The following FBXL2 variants were observed in gnomAD, a reference collection of about 807,000 sequenced individuals.
FBXL2 encodes the protein F-box/LRR-repeat protein 2.
Under a neutral mutation model 69.2 loss-of-function variants are expected in FBXL2, and 38 were observed. That is an observed-to-expected ratio of 0.55 (90% CI 0.42 to 0.72). The LOEUF (loss-of-function observed/expected upper bound fraction) is 0.72. Ranked by LOEUF, FBXL2 falls within the 30% of genes least tolerant of loss-of-function variation. The probability of loss-of-function intolerance (pLI) is 0.00; values close to 1 mark genes in which losing one functional copy is unlikely to be tolerated. For missense variants in FBXL2, 354 were observed against 520.3 expected (o/e 0.68, Z 3.11); for synonymous variants, 192 against 201.3 (o/e 0.95, Z 0.39).
At position 33,401,574 on chromosome 3, in the gene FBXL2, CAGGGAAT is replaced by C. The variant is rs1212420305; in HGVS notation, n.1215-1655_1215-1649del. Among the ~76,000 whole-genome samples the C allele has an allele frequency of 2.6e-5, 4 of 152,328 alleles. No homozygotes were observed. The East Asian group carries it at 7.7e-4, about 29-fold the overall frequency. The stretch of plus-strand genomic sequence containing the variant: ...TAAAATGAAATGAAAAACAGCTCCA[CAGGGAAT>C]AGGGCTACCTTCTGGCTCTTGAGCA... On this transcript the variant is annotated intron_variant and non_coding_transcript_variant, in intron 12 of 12. Coordinates refer to the FBXL2 transcript ENST00000463736.
Position 33,387,164 on chromosome 3 carries a change from G to GTTAGT in FBXL2, c.*1558_*1562dup, listed in dbSNP as rs547456571. On this transcript the variant is annotated 3_prime_UTR_variant, in exon 15 of 15. Transcript: ENST00000484457. ...TAAAAATTGTGTGGATACCATAGCA[G>GTTAGT]TTAGTTAAATATACATTTATACCCA... 3.9e-4 allele frequency: 60 copies of GTTAGT among 152,266 alleles called. No homozygotes were observed. Among genetic ancestry groups the GTTAGT allele is most frequent in the Non-Finnish European group, 7.3e-4 (50 of 68,028 alleles). 9.4% of individuals were successfully genotyped at this position (152,266 alleles called of 1,614,324 possible). A position where few individuals can be genotyped will look rare whatever the true frequency, so the allele number is the denominator to read the frequency against.
At chr3:33,355,581 T>C (rs1011746100) in intron 2 of FBXL2, among the ~76,000 whole-genome samples, 8 of 152,184 alleles carry the variant, frequency 5.3e-5, no homozygotes, top group Non-Finnish European at 1.2e-4. Flanking sequence ...TACCAGACAT[T>C]GTGACTTATT....
At chr3:33,393,643 A>C (rs937065618) in intron 12 of FBXL2, among the ~76,000 whole-genome samples, 3 of 152,216 alleles carry the variant, frequency 2.0e-5, no homozygotes, top group African/African-American at 7.2e-5. Context: ...TACCAATCTA[A>C]AACGTAAGAA....
At chr3:33,398,314 G>C (rs779605310) in intron 12 of FBXL2, 2 of 152,156 alleles carry the variant, frequency 1.3e-5, no homozygotes, top group Non-Finnish European at 2.9e-5. Flanking sequence ...GTAAAACAAA[G>C]ATCAGAGAAG....
chr3:33,400,555 T>C (rs1437992507), intron 12 of FBXL2, among the ~76,000 whole-genome samples: 2 of 152,198 alleles, frequency 1.3e-5, no homozygotes, highest in Non-Finnish European at 2.9e-5. Flanking sequence ...TTCATTGTCT[T>C]AAGTGAAATA....
chr3:33,294,764 G>A (rs891593949), intron 1 of FBXL2, among the ~76,000 whole-genome samples: 5 of 151,538 alleles, frequency 3.3e-5, no homozygotes, highest in African/African-American at 9.7e-5. Flanking sequence ...GATTGCTTGA[G>A]CCAGGGAGGT....
rs1239827434 is a variant in FBXL2, at chr3:33,364,643, A to AT, written c.215dup (p.Ser73LeufsTer35). On this transcript the variant is annotated frameshift_variant, in exon 5 of 15. Coordinates refer to ENST00000484457, the MANE Select transcript of FBXL2 (RefSeq NM_012157.5). LOFTEE classifies it high-confidence loss of function. ...ATTAAAGGGTCGAGTGGTGGAAAAT[A>AT]TCTCGAAGCGATGCGGTGGATTCCT... The AT allele has an allele frequency of 1.9e-6, 3 of 1,614,088 alleles. No individual in the cohort carries two copies. Among genetic ancestry groups the AT allele is most frequent in the Non-Finnish European group, 2.5e-6 (3 of 1,180,024 alleles).
At chr3:33,384,767 G>A (rs1197536691) in intron 14 of FBXL2, among the ~76,000 whole-genome samples, 2 of 152,152 alleles carry the variant, frequency 1.3e-5, no homozygotes, top group Non-Finnish European at 2.9e-5. Flanking sequence ...TGGGATGGGC[G>A]CGGTGGCTCA....
intron 2 of FBXL2, among the ~76,000 whole-genome samples, chr3:33,358,678 T>C (rs915101773): frequency 6.6e-6 from 1 of 152,240 alleles, no homozygotes; most frequent in Admixed American, 6.5e-5. Context: ...GGTCTTCAAA[T>C]AGAACCAGTT....
At chr3:33,418,732 G>A in the FBXL2 span, among the ~76,000 whole-genome samples, 1 of 151,616 alleles carries the variant, frequency 6.6e-6, no homozygotes, top group Admixed American at 6.6e-5. Context: ...GGTGGTGCAT[G>A]CCTGTAATCC....
intron 2 of FBXL2, among the ~76,000 whole-genome samples, chr3:33,324,116 T>C (rs953059925): frequency 6.6e-6 from 1 of 152,142 alleles, no homozygotes; most frequent in African/African-American, 2.4e-5. Flanking sequence ...TTTTGAGAAG[T>C]GTGTGTTCAT....
intron 10 of FBXL2, among the ~76,000 whole-genome samples, chr3:33,375,845 G>A (rs1218693313): frequency 6.6e-6 from 1 of 151,908 alleles, no homozygotes; most frequent in Non-Finnish European, 1.5e-5. Flanking sequence ...TCCCCAGTAG[G>A]AAAAAAAGTT....
At position 33,385,623 on chromosome 3, in the gene FBXL2, G is replaced by T. The variant is rs1272658821; in HGVS notation, c.*15G>T. The T allele has an allele frequency of 2.5e-6, 4 of 1,605,762 alleles. No individual in the cohort carries two copies. The highest frequency in any genetic ancestry group is 3.4e-6 in the Non-Finnish European group (4 of 1,172,532). On this transcript the variant is annotated 3_prime_UTR_variant, in exon 15 of 15. Transcript: ENST00000484457. ...TCATTCTCTGACAGCAGCTGCCTGG[G>T]CCCAAGGGGTGATGAGGCATCCTTT...
chr3:33,321,738 C>T (rs2038241545), intron 2 of FBXL2, among the ~76,000 whole-genome samples: 1 of 152,166 alleles, frequency 6.6e-6, no homozygotes, highest in South Asian at 2.1e-4. Flanking sequence ...CTAGGCTACA[C>T]ACCTGTATGA....
At chr3:33,375,870 A>C (rs545785014) in intron 10 of FBXL2, among the ~76,000 whole-genome samples, 6 of 152,158 alleles carry the variant, frequency 3.9e-5, no homozygotes, top group Non-Finnish European at 8.8e-5. Flanking sequence ...ACAAATAATA[A>C]TTTAGGCCAG....
At chr3:33,282,094 T>C (rs2034075119) in intron 1 of FBXL2, among the ~76,000 whole-genome samples, 1 of 152,240 alleles carries the variant, frequency 6.6e-6, no homozygotes, top group Non-Finnish European at 1.5e-5. Flanking sequence ...CCATTGCTTT[T>C]GGTGTTTTAG....
chr3:33,292,237 G>T (rs1309217083), intron 1 of FBXL2, among the ~76,000 whole-genome samples: 1 of 152,004 alleles, frequency 6.6e-6, no homozygotes, highest in East Asian at 1.9e-4. Context: ...AAAATTAACT[G>T]GGTGTGGTGG....
At chr3:33,364,437 A>T (rs491875) in intron 4 of FBXL2, 188 bp from the exon 5 acceptor site, 4 of 609,588 alleles carry the variant, frequency 6.6e-6, no homozygotes, top group Non-Finnish European at 1.2e-5. Context: ...CTTTAATTGG[A>T]CCATTTTTCA....
the FBXL2 span, among the ~76,000 whole-genome samples, chr3:33,418,431 T>TA: frequency 6.6e-6 from 1 of 151,844 alleles, no homozygotes; most frequent in Non-Finnish European, 1.5e-5. Context: ...ATTTTTGTAT[T>TA]ATTTTTTAGT....
Sources: gnomAD v4.1 joint callset for allele counts (sites outside exome capture counted in the v4.1 genomes callset) on GRCh38, gnomAD v4.1.1 for gene constraint, MANE v1.5 for transcripts, NCBI Gene and HGNC (gene_info 2026-07-23, HGNC 2026-07-21) for gene names.